The following MICU1 variants were observed in gnomAD, a reference collection of about 807,000 sequenced individuals.
MICU1 encodes mitochondrial calcium uptake 1.
A neutral mutation model predicts 56.8 loss-of-function variants in MICU1; 45 were observed. That is an observed-to-expected ratio of 0.79 (90% confidence interval 0.62 to 1.02). The LOEUF is 1.02. MICU1 is among the 50% of genes least tolerant of loss of function. MICU1 has a pLI of 0.00. For missense variants in MICU1, 504 were observed against 587.1 expected, an observed-to-expected ratio of 0.86 and a Z score of 1.46; for synonymous variants, 186 against 195.1, an observed-to-expected ratio of 0.95 and a Z score of 0.39.
At chr10:72,496,016 G>C (rs1026137389) in intron 6 of MICU1, among the ~76,000 whole-genome samples, 1 of 151,712 alleles carries the variant, frequency 6.6e-6, no homozygotes. Context: ...ACCCAGGCTA[G>C]AGTGCAGTGG....
At chr10:72,383,245 C>A (rs1295434257) in intron 10 of MICU1, among the ~76,000 whole-genome samples, 129 of 119,028 alleles carry the variant, frequency 1.1e-3, no homozygotes, top group South Asian at 1.4e-3. Flanking sequence ...GACCCTGTCT[C>A]AAAAAAAAAA....
intron 6 of MICU1, among the ~76,000 whole-genome samples, chr10:72,489,198 G>A (rs1433161017): frequency 6.6e-6 from 1 of 151,822 alleles, no homozygotes; most frequent in South Asian, 2.1e-4. Context: ...GCTGAGGCAC[G>A]AGAATCGCTT....
chr10:72,608,859 C>G (rs1841763507), intron 1 of MICU1, among the ~76,000 whole-genome samples: 1 of 152,230 alleles, frequency 6.6e-6, no homozygotes, highest in Non-Finnish European at 1.5e-5. Flanking sequence ...AAACTCCTGG[C>G]TGTAACCAAT....
At chr10:72,469,614 C>T (rs576633426) in intron 8 of MICU1, among the ~76,000 whole-genome samples, 6 of 152,204 alleles carry the variant, frequency 3.9e-5, no homozygotes, top group Admixed American at 6.5e-5. Flanking sequence ...TATTTATATG[C>T]CTGTTGCCAT....
intron 1 of MICU1, among the ~76,000 whole-genome samples, chr10:72,572,243 T>C (rs1309913951): frequency 6.6e-6 from 1 of 150,940 alleles, no homozygotes; most frequent in Non-Finnish European, 1.5e-5. Flanking sequence ...TAACAAAATT[T>C]AATTAATTTC....
intron 6 of MICU1, among the ~76,000 whole-genome samples, chr10:72,488,236 A>G (rs1866539958): frequency 6.6e-6 from 1 of 151,558 alleles, no homozygotes. Context: ...AATTGAATAT[A>G]TATAAGTTCC....
At chr10:72,382,361 C>A (rs1236460675) in intron 10 of MICU1, among the ~76,000 whole-genome samples, 1 of 151,968 alleles carries the variant, frequency 6.6e-6, no homozygotes, top group Non-Finnish European at 1.5e-5. Context: ...ATCCACCCGC[C>A]TTGACCTCCC....
At chr10:72,590,958 T>C (rs1755937123) in intron 1 of MICU1, among the ~76,000 whole-genome samples, 2 of 151,020 alleles carry the variant, frequency 1.3e-5, no homozygotes, top group Admixed American at 1.3e-4. Flanking sequence ...CGAGGGTACG[T>C]GGAACATTTA....
At chr10:72,417,266 C>T (rs1433238381) in intron 9 of MICU1, among the ~76,000 whole-genome samples, 2 of 152,090 alleles carry the variant, frequency 1.3e-5, no homozygotes, top group Admixed American at 6.5e-5. Context: ...TCCTGGCTGA[C>T]ATGGTGAAAC....
At chr10:72,509,663 C>T (rs578116102) in intron 5 of MICU1, among the ~76,000 whole-genome samples, 15 of 152,136 alleles carry the variant, frequency 9.9e-5, no homozygotes, top group African/African-American at 2.7e-4. Context: ...ACTTCTTTTG[C>T]GGCTCACAGA....
At chr10:72,550,512 C>T (rs894314043) in intron 4 of MICU1, among the ~76,000 whole-genome samples, 15 of 152,182 alleles carry the variant, frequency 9.9e-5, no homozygotes, top group African/African-American at 3.6e-4. Context: ...ATGTTCTATA[C>T]AGTCACTGTG....
chr10:72,457,739 C>G (rs1564881276), intron 8 of MICU1, among the ~76,000 whole-genome samples: 2 of 151,536 alleles, frequency 1.3e-5, no homozygotes, highest in African/African-American at 4.9e-5. Flanking sequence ...GAGAGAGAGA[C>G]AGAGAGAGAG....
At chr10:72,611,167 G>A (rs559041674) in intron 1 of MICU1, among the ~76,000 whole-genome samples, 57 of 151,870 alleles carry the variant, frequency 3.8e-4, no homozygotes, top group African/African-American at 1.4e-3. Context: ...GCCGGGCGCT[G>A]TAGCGGGCGC....
At chr10:72,620,034 CT>C (rs1320417007) in intron 1 of MICU1, among the ~76,000 whole-genome samples, 1 of 151,872 alleles carries the variant, frequency 6.6e-6, no homozygotes, top group Non-Finnish European at 1.5e-5. Context: ...TTCATGTTTA[CT>C]TTTTTTAAAA....
intron 5 of MICU1, chr10:72,532,891 G>C: frequency 1.7e-6 from 2 of 1,181,840 alleles, no homozygotes; most frequent in Non-Finnish European, 2.1e-6. Context: ...ACCTTACCAG[G>C]ATATGGACTT....
At chr10:72,552,319 C>A (rs1180520891) in intron 3 of MICU1, among the ~76,000 whole-genome samples, 1 of 152,052 alleles carries the variant, frequency 6.6e-6, no homozygotes, top group Non-Finnish European at 1.5e-5. Context: ...GGTATACAAG[C>A]CCCCATTCTG....
intron 4 of MICU1, among the ~76,000 whole-genome samples, chr10:72,544,917 T>C (rs2132431636): frequency 6.6e-6 from 1 of 152,358 alleles, no homozygotes; most frequent in Middle Eastern, 3.4e-3. Context: ...ATTTTAGGGC[T>C]TCATGTAGTC....
At chr10:72,465,818 T>C (rs1407129956) in intron 8 of MICU1, among the ~76,000 whole-genome samples, 2 of 152,076 alleles carry the variant, frequency 1.3e-5, no homozygotes, top group Non-Finnish European at 2.9e-5. Context: ...CTGGCCCTTG[T>C]TCAGGTCTTT....
chr10:72,475,165 T>G lies in MICU1; in HGVS notation c.868A>C (p.Lys290Gln). The change falls in exon 8 of 12, where the codon AAG (lysine) becomes CAG (glutamine). Residue 290 changes from lysine (K) to glutamine (Q), a missense_variant. Lys to Gln is a moderately conservative substitution (Grantham distance 53). Coordinates refer to ENST00000361114, the MANE Select transcript of MICU1 (RefSeq NM_001195518.2). ...TCGAGGAAGTTTTTGATTGTCAGCT[T>G]TCCCTTCAGATCAGCTCCAAAAAAG... The part of the protein sequence containing the change: ...TYFFGADLKG[K>Q]LTIKNFLEFQ... 6.2e-7 allele frequency: 1 copy of G among 1,611,580 alleles called. No homozygotes were observed. The highest frequency in any genetic ancestry group is 8.5e-7 in the Non-Finnish European group (1 of 1,178,828).
Sources: gnomAD v4.1 joint callset for allele counts (sites outside exome capture counted in the v4.1 genomes callset) on GRCh38, gnomAD v4.1.1 for gene constraint, MANE v1.5 for transcripts, NCBI Gene and HGNC (gene_info 2026-07-23, HGNC 2026-07-21) for gene names.